Variants in JADE2 observed in about 807,000 individuals in gnomAD.
The protein encoded by JADE2 is E3 ubiquitin-protein ligase Jade-2.
Under a neutral mutation model 85.7 loss-of-function variants are expected in JADE2, and 13 were observed. That is an observed-to-expected ratio of 0.15 (90% CI 0.10 to 0.24). The LOEUF is 0.24. Among genes scored for constraint, JADE2 ranks in the 10% least tolerant of loss-of-function variants. JADE2 has a pLI of 1.00. For missense variants in JADE2, 846 were observed against 1,115.9 expected (o/e 0.76, Z 3.45); for synonymous variants, 440 against 456.1 (o/e 0.96, Z 0.45).
At chr5:134,537,850 G>T (rs966449297) in intron 2 of JADE2, 139 bp from the exon 3 acceptor site, 3 of 626,316 alleles carry the variant, frequency 4.8e-6, no homozygotes. Context: ...GCCCAGAGCA[G>T]GGATACTAGG....
chr5:134,562,401 A>G lies in JADE2; in HGVS notation c.852+34A>G, dbSNP rs752974501. The G allele has an allele frequency of 8.2e-6, 13 of 1,582,094 alleles. No individual in the cohort carries two copies. In the African/African-American group the frequency reaches 1.7e-4, roughly 21 times the overall value. On this transcript the variant is annotated intron_variant, in intron 7 of 11. Coordinates refer to ENST00000681547, the MANE Select transcript of JADE2 (RefSeq NM_001388185.1). This position sits in a 1 kb window ranked among gnomAD's most constrained non-coding sequence, Gnocchi z 4.6. ...GCGTGGAGGTGAGGCAGCCCAAGGA[A>G]TAGCCCGTGGGGAAGTGGGTCTGCA...
At chr5:134,565,372 A>C (rs1464355224) in intron 8 of JADE2, among the ~76,000 whole-genome samples, 1 of 152,240 alleles carries the variant, frequency 6.6e-6, no homozygotes, top group Non-Finnish European at 1.5e-5. Context: ...ATCCAAGGCT[A>C]AGAGAGAGGG....
intron 1 of JADE2, among the ~76,000 whole-genome samples, chr5:134,535,654 G>A (rs762526724): frequency 1.3e-4 from 20 of 151,596 alleles, no homozygotes; most frequent in Non-Finnish European, 2.7e-4. Context: ...CAGGAGGTGG[G>A]AGATGCAGCC....
intron 3 of JADE2, among the ~76,000 whole-genome samples, chr5:134,550,696 G>A (rs1017108720): frequency 3.3e-5 from 5 of 152,228 alleles, no homozygotes; most frequent in East Asian, 3.8e-4. Context: ...GGGGGATCAC[G>A]CAGTGGGATC....
At chr5:134,567,560 T>C (rs329315) in intron 9 of JADE2, among the ~76,000 whole-genome samples, 43,707 of 151,980 alleles carry the variant, frequency 0.29, 6,648 homozygotes, top group Middle Eastern at 0.34. Context: ...ATGCTCACCC[T>C]CTCCCTGGGT....
chr5:134,561,073 G>A lies in JADE2; in HGVS notation c.684+116G>A, dbSNP rs552217903. The stretch of plus-strand genomic sequence containing the variant: ...GACAGAAGCCCTTAAGAAGGAGGAG[G>A]AAGGGAATGGTGAGGATGCTTCATG... On this transcript the variant is annotated intron_variant, in intron 6 of 11. Coordinates refer to ENST00000681547, the MANE Select transcript of JADE2 (RefSeq NM_001388185.1). 190 of 837,070 alleles carry A rather than the reference G, an allele frequency of 2.3e-4. No homozygotes were observed. The Middle Eastern group carries it at 3.2e-3, about 14-fold the overall frequency. The allele number at this position is 837,070 out of a possible 1,614,324, so 51.9% of individuals were successfully genotyped here.
At position 134,578,520 on chromosome 5, in the gene JADE2, G is replaced by T; in HGVS notation, c.1708G>T (p.Asp570Tyr). Reference sequence around the variant, plus strand: ...AGGCCTGTCCACCTCATTCCCCATCGATGGCACCTTCTTCAACAGCTGGCT... The same window carrying T: ...AGGCCTGTCCACCTCATTCCCCATCTATGGCACCTTCTTCAACAGCTGGCT... Reference protein sequence around the residue: ...LAGLSTSFPIDGTFFNSWLAQ... With the variant: ...LAGLSTSFPIYGTFFNSWLAQ... Residue 570 changes from aspartate to tyrosine, a missense_variant, in exon 12 of 12, where the codon GAT (aspartate) becomes TAT (tyrosine). Transcript: ENST00000681547. The surrounding 1 kb of genome is among the most constrained non-coding windows in gnomAD (Gnocchi z 4.4). 1 of 1,595,098 alleles carries T rather than the reference G, an allele frequency of 6.3e-7. No individual in the cohort carries two copies. Among genetic ancestry groups the T allele is most frequent in the Non-Finnish European group, 8.6e-7 (1 of 1,166,512 alleles).
At chr5:134,541,873 G>A (rs1452005250) in intron 3 of JADE2, among the ~76,000 whole-genome samples, 1 of 152,266 alleles carries the variant, frequency 6.6e-6, no homozygotes, top group African/African-American at 2.4e-5. Flanking sequence ...GTGCCTCAGG[G>A]CTGAAGAAAG....
intron 9 of JADE2, among the ~76,000 whole-genome samples, chr5:134,571,308 C>T (rs897507840): frequency 2.6e-5 from 4 of 152,322 alleles, no homozygotes; most frequent in Non-Finnish European, 5.9e-5. Flanking sequence ...TTGCAAGGGT[C>T]CCAGTAAAAA....
intron 3 of JADE2, among the ~76,000 whole-genome samples, chr5:134,539,261 C>T (rs1761812889): frequency 6.6e-6 from 1 of 152,268 alleles, no homozygotes; most frequent in African/African-American, 2.4e-5. Flanking sequence ...GACGGGGTTT[C>T]ACCGTGTTAG....
Position 134,533,588 on chromosome 5 carries a change from T to C in JADE2, c.1-2270T>C, listed in dbSNP as rs1339615483. 1.7e-5 allele frequency: 17 copies of C among 985,160 alleles called. No homozygotes were observed. In the Admixed American group the frequency reaches 1.0e-3, roughly 61 times the overall value. The allele number at this position is 985,160 out of a possible 1,614,324, so 61.0% of individuals were successfully genotyped here. On this transcript the variant is annotated intron_variant, in intron 1 of 11. Transcript: ENST00000681547. Reference sequence around the variant, plus strand: ...TCGCTTACAGGATTGCAAAAGAAAATGGGTGGGTGCACTTTTAGCACCTCC... The same window carrying C: ...TCGCTTACAGGATTGCAAAAGAAAACGGGTGGGTGCACTTTTAGCACCTCC...
chr5:134,574,105 G>T (rs1764215717), intron 10 of JADE2: 1 of 358,218 alleles, frequency 2.8e-6, no homozygotes, highest in African/African-American at 2.1e-5. Context: ...TGGTGCTGAG[G>T]CAGGAAGGGC....
In JADE2 at chr5:134,578,252, C is replaced by T. The variant is rs927346237; in HGVS notation, c.1682-242C>T. ...CTATATTTTCATTTTACACTCTAGC[C>T]CACAAATTATGAAGCCCATCTTGAG... On this transcript the variant is annotated intron_variant, in intron 11 of 11. Coordinates refer to ENST00000681547, the MANE Select transcript of JADE2 (RefSeq NM_001388185.1). The surrounding 1 kb of genome is among the most constrained non-coding windows in gnomAD (Gnocchi z 4.4). 1.3e-5 allele frequency among the ~76,000 whole-genome samples: 2 copies of T among 152,202 alleles called. No individual in the cohort carries two copies. Among genetic ancestry groups the T allele is most frequent in the South Asian group, 2.1e-4 (1 of 4,832 alleles).
intron 1 of JADE2, among the ~76,000 whole-genome samples, chr5:134,535,359 C>T (rs1421936958): frequency 6.6e-6 from 1 of 152,168 alleles, no homozygotes; most frequent in East Asian, 1.9e-4. Flanking sequence ...GACCACCACT[C>T]GCAGGACTAG....
chr5:134,525,049 G>A (rs1275388762), upstream of JADE2, among the ~76,000 whole-genome samples: 1 of 152,232 alleles, frequency 6.6e-6, no homozygotes, highest in African/African-American at 2.4e-5. Flanking sequence ...CCCTCCGCGA[G>A]TGTCGCCTCC....
intron 2 of JADE2, 138 bp downstream of exon 2, chr5:134,536,053 G>T (rs1009684289): frequency 1.3e-6 from 1 of 748,314 alleles, no homozygotes; most frequent in Non-Finnish European, 2.3e-6. Flanking sequence ...ATCAAGTCAG[G>T]TTTCTCCACT....
At chr5:134,559,201 C>T (rs770989088) in intron 4 of JADE2, among the ~76,000 whole-genome samples, 6 of 152,304 alleles carry the variant, frequency 3.9e-5, no homozygotes, top group Non-Finnish European at 7.4e-5. Context: ...TGGGCCGCAG[C>T]CGTGTAACCA....
intron 9 of JADE2, among the ~76,000 whole-genome samples, chr5:134,573,088 A>G (rs766517016): frequency 4.6e-5 from 7 of 152,210 alleles, no homozygotes; most frequent in East Asian, 1.9e-4. Context: ...AGCTCTTCCA[A>G]TGGCGTTCTC....
rs1188126135 is a variant in JADE2 at position 134,578,696 on chromosome 5, G to A, written c.1884G>A (p.Ser628=). The A allele has an allele frequency of 5.0e-6, 8 of 1,613,748 alleles. No homozygotes were observed. The highest frequency in any genetic ancestry group is 1.7e-5 in the Admixed American group (1 of 60,012). The change falls in exon 12 of 12, where the codon TCG becomes TCA. Residue 628 remains serine, a synonymous_variant. Transcript: ENST00000681547. The surrounding 1 kb of genome is among the most constrained non-coding windows in gnomAD (Gnocchi z 4.4). ...TGCTCAGCTTCATGCGGGACCCCTC[G>A]CTGCGACCTGGTGACCCTGCTAGGA... is the stretch of plus-strand genomic sequence containing the variant. The part of the protein sequence containing the change: ...ETLLSFMRDP[S]LRPGDPARKA...
Sources: allele counts gnomAD v4.1 joint callset (sites outside exome capture counted in the v4.1 genomes callset), GRCh38; gene constraint gnomAD v4.1.1; non-coding constraint Gnocchi (gnomAD v3.1); transcripts MANE v1.5; gene names NCBI Gene and HGNC (gene_info 2026-07-23, HGNC 2026-07-21).